CRHR1: variants seen among roughly 807,000 people sequenced by gnomAD.
CRHR1 encodes corticotropin releasing hormone receptor 1.
A neutral mutation model predicts 56.0 loss-of-function variants in CRHR1; 28 were observed. The ratio of observed to expected loss-of-function variants is 0.50; its 90% CI spans 0.37 to 0.69. The LOEUF is 0.69. Among genes scored for constraint, CRHR1 ranks in the 30% least tolerant of loss-of-function variants. CRHR1 has a pLI of 0.00. For synonymous variants in CRHR1, 195 were observed against 216.5 expected (o/e 0.90, Z 0.87); for missense variants, 376 against 548.0 (o/e 0.69, Z 3.13).
chr17:45,816,214 C>T (rs866803086), intron 2 of CRHR1, among the ~76,000 whole-genome samples: 22 of 152,244 alleles, frequency 1.4e-4, no homozygotes, highest in Non-Finnish European at 2.5e-4. Flanking sequence ...CCAGCCATCT[C>T]TCTTCCTCCT....
At chr17:45,797,092 TG>T (rs2146278385) in intron 1 of CRHR1, among the ~76,000 whole-genome samples, 2 of 152,296 alleles carry the variant, frequency 1.3e-5, no homozygotes, top group South Asian at 4.1e-4. Context: ...TGACCACTGC[TG>T]GCTTCTGGGA....
At chr17:45,799,962 C>G (rs1277854814) in intron 1 of CRHR1, 1 of 153,538 alleles carries the variant, frequency 6.5e-6, no homozygotes, top group East Asian at 1.9e-4. Flanking sequence ...GCCGGGAAGG[C>G]CCTCTCCCTC....
intron 1 of CRHR1, among the ~76,000 whole-genome samples, chr17:45,802,917 T>C (rs193054873): frequency 2.0e-3 from 300 of 152,354 alleles, no homozygotes; most frequent in Non-Finnish European, 3.0e-3. Flanking sequence ...TCTTGGGTCC[T>C]AAGTGCTTTG....
intron 1 of CRHR1, among the ~76,000 whole-genome samples, chr17:45,788,123 G>A (rs764410338): frequency 1.1e-4 from 16 of 152,218 alleles, no homozygotes; most frequent in Non-Finnish European, 2.2e-4. Context: ...AAGGAGTTTG[G>A]GGGTCAAGGT....
At chr17:45,804,623 A>C (rs949947092) in intron 1 of CRHR1, among the ~76,000 whole-genome samples, 1 of 152,022 alleles carries the variant, frequency 6.6e-6, no homozygotes, top group Non-Finnish European at 1.5e-5. Flanking sequence ...TTCTAAGGAC[A>C]GGGAGAAGGT....
Position 45,829,668 on chromosome 17 carries a change from C to T in CRHR1, c.434+347C>T, listed in dbSNP as rs530831620. 7.1e-6 allele frequency: 11 copies of T among 1,547,950 alleles called. No homozygotes were observed. The African/African-American group carries it at 1.2e-4, about 17-fold the overall frequency. Reference sequence around the variant, plus strand: ...CGAAGGTACCTGGGCCCCAGCACTACCGCCAAGGATGCAGGTGGCAGAGCC... The same window carrying T: ...CGAAGGTACCTGGGCCCCAGCACTATCGCCAAGGATGCAGGTGGCAGAGCC... On this transcript the variant is annotated intron_variant, in intron 5 of 12. Coordinates refer to ENST00000314537, the MANE Select transcript of CRHR1 (RefSeq NM_004382.5).
chr17:45,833,693 T>TGCC, intron 10 of CRHR1, 21 bp from the exon 11 acceptor site: 1 of 1,571,612 alleles, frequency 6.4e-7, no homozygotes, highest in Non-Finnish European at 8.7e-7. Context: ...ACTCCGAGCC[T>TGCC]CCCCACCCGC....
In CRHR1 at chr17:45,830,413, G is replaced by T. The variant is rs552938651; in HGVS notation, c.556-4G>T. 1.2e-6 allele frequency: 2 copies of T among 1,601,486 alleles called. No homozygotes were observed. The highest frequency in any genetic ancestry group is 1.7e-6 in the Non-Finnish European group (2 of 1,172,986). On this transcript the variant is annotated splice_region_variant and splice_polypyrimidine_tract_variant and intron_variant, in intron 6 of 12. Coordinates refer to ENST00000314537, the MANE Select transcript of CRHR1 (RefSeq NM_004382.5). Reference sequence around the variant, plus strand: ...ATCATCTCTGGTTGGGGGTGGGGTGGCAGGGCTGGTGCAGGTTGGTGACAG... The same window carrying T: ...ATCATCTCTGGTTGGGGGTGGGGTGTCAGGGCTGGTGCAGGTTGGTGACAG...
At chr17:45,810,296 A>C (rs920545849) in intron 2 of CRHR1, among the ~76,000 whole-genome samples, 3 of 152,056 alleles carry the variant, frequency 2.0e-5, no homozygotes, top group African/African-American at 7.3e-5. Flanking sequence ...AATAATAATA[A>C]TAATAATAAT....
At chr17:45,792,334 G>A (rs967309281) in intron 1 of CRHR1, among the ~76,000 whole-genome samples, 4 of 152,094 alleles carry the variant, frequency 2.6e-5, no homozygotes, top group Admixed American at 1.3e-4. Flanking sequence ...TTTTAAGCAG[G>A]TACACTGTTT....
At position 45,830,403 on chromosome 17, in the gene CRHR1, G is replaced by T; in HGVS notation, c.556-14G>T. ...GCCCCCCATCATCATCTCTGGTTGG[G>T]GGTGGGGTGGCAGGGCTGGTGCAGG... On this transcript the variant is annotated splice_polypyrimidine_tract_variant and intron_variant, in intron 6 of 12. Transcript: ENST00000314537. The T allele has an allele frequency of 6.3e-7, 1 of 1,599,134 alleles. No homozygotes were observed. The highest frequency in any genetic ancestry group is 1.1e-5 in the South Asian group (1 of 88,646).
intron 1 of CRHR1, among the ~76,000 whole-genome samples, chr17:45,798,324 G>A (rs889558729): frequency 6.6e-6 from 1 of 152,076 alleles, no homozygotes; most frequent in African/African-American, 2.4e-5. Context: ...TCAGGAGTTC[G>A]AGACCAGCAT....
At position 45,829,304 on chromosome 17, in the gene CRHR1, C is replaced by T; in HGVS notation, c.417C>T (p.Val139=). 6.2e-7 allele frequency: 1 copy of T among 1,613,866 alleles called. No homozygotes were observed. Among genetic ancestry groups the T allele is most frequent in the Non-Finnish European group, 8.5e-7 (1 of 1,179,918 alleles). ...TGGTGGCCCTCCTGGTGGCCTTTGT[C>T]CTCTTTCTGCGGCTCAGGTGAGAAG... ...ISLVALLVAF[V]LFLRLRSIRC... The change falls in exon 5 of 13, where the codon GTC becomes GTT. Residue 139 remains valine, a synonymous_variant. Coordinates refer to ENST00000314537, the MANE Select transcript of CRHR1 (RefSeq NM_004382.5).
intron 2 of CRHR1, among the ~76,000 whole-genome samples, chr17:45,812,114 T>G (rs2061835437): frequency 6.6e-6 from 1 of 152,226 alleles, no homozygotes. Context: ...CTGTATACTT[T>G]AAATCATCTC....
rs376366004 is a variant in CRHR1 at position 45,813,710 on chromosome 17, A to C, written c.122-2753A>C. ...AGCATTGAAAATCCACTCCCGTCTC[A>C]GTATCTTTGGTTACTGATTGTCTTG... On this transcript the variant is annotated intron_variant, in intron 2 of 12. Transcript: ENST00000314537. Among the ~76,000 whole-genome samples the C allele has an allele frequency of 5.9e-5, 9 of 152,368 alleles. No individual in the cohort carries two copies. The South Asian group carries it at 1.9e-3, about 32-fold the overall frequency.
At chr17:45,826,476 C>T (rs62057151) in intron 4 of CRHR1, 22,483 of 152,312 alleles carry the variant, frequency 0.15, 2,263 homozygotes, top group Non-Finnish European at 0.22. Flanking sequence ...GGCTTGAACC[C>T]GGCCCAGGCC....
chr17:45,832,541 C>T (rs1162664740), intron 8 of CRHR1, among the ~76,000 whole-genome samples: 8 of 152,228 alleles, frequency 5.3e-5, no homozygotes, highest in Admixed American at 4.6e-4. Context: ...TTCATACCCA[C>T]GAGGACATAA....
intron 1 of CRHR1, among the ~76,000 whole-genome samples, chr17:45,795,223 A>G (rs1249087456): frequency 6.6e-6 from 1 of 152,124 alleles, no homozygotes; most frequent in African/African-American, 2.4e-5. Context: ...CACCAAGAAG[A>G]GTGCAATCCA....
chr17:45,795,464 T>C (rs1424586657), intron 1 of CRHR1, among the ~76,000 whole-genome samples: 3 of 152,176 alleles, frequency 2.0e-5, no homozygotes, highest in Non-Finnish European at 4.4e-5. Context: ...CCTGTGCATT[T>C]TAGGATGTTT....
Sources: allele counts gnomAD v4.1 joint callset (sites outside exome capture counted in the v4.1 genomes callset), GRCh38; gene constraint gnomAD v4.1.1; transcripts MANE v1.5; gene names NCBI Gene and HGNC (gene_info 2026-07-23, HGNC 2026-07-21).